Variants in LRMDA observed in about 807,000 individuals in gnomAD.
LRMDA encodes the protein leucine rich melanocyte differentiation associated.
In LRMDA, 18 loss-of-function variants were observed where a neutral mutation model predicts 29.8. The ratio of observed to expected loss-of-function variants is 0.60; its 90% CI spans 0.42 to 0.90. The LOEUF (loss-of-function observed/expected upper bound fraction) is 0.90, where lower values mean the gene tolerates loss of function less well. Ranked by LOEUF, LRMDA falls within the 40% of genes least tolerant of loss-of-function variation. LRMDA has a pLI of 0.00. For synonymous variants in LRMDA, 125 were observed against 109.4 expected, an observed-to-expected ratio of 1.14 and a Z score of -0.89; for missense variants, 273 against 273.9, an observed-to-expected ratio of 1.00 and a Z score of 0.02.
At chr10:75,670,493 T>C (rs1841877991) in intron 2 of LRMDA, among the ~76,000 whole-genome samples, 1 of 152,182 alleles carries the variant, frequency 6.6e-6, no homozygotes, top group Non-Finnish European at 1.5e-5. Flanking sequence ...TTGTGAGGCA[T>C]GAAGAAAAGT....
At chr10:75,639,124 A>G (rs9665386) in intron 2 of LRMDA, among the ~76,000 whole-genome samples, 6,074 of 152,314 alleles carry the variant, frequency 0.04, 288 homozygotes, top group African/African-American at 0.11. Context: ...AGAGCTAGAG[A>G]AAACCATGAG....
rs1426585451 is a variant in LRMDA at position 76,222,360 on chromosome 10, A to C, written c.517-102041A>C. ...CTACAAAATGGGAGAAAATTTTTGC[A>C]ACCTACTCATCTGACAAAGGGCTAA... is the stretch of plus-strand genomic sequence containing the variant. On this transcript the variant is annotated intron_variant, in intron 5 of 6. Transcript: ENST00000611255. 3.9e-5 allele frequency among the ~76,000 whole-genome samples: 6 copies of C among 152,326 alleles called. No individual in the cohort carries two copies. In the South Asian group the frequency reaches 1.0e-3, roughly 26 times the overall value.
At chr10:76,379,286 A>C (rs1841560791) in intron 6 of LRMDA, among the ~76,000 whole-genome samples, 1 of 151,500 alleles carries the variant, frequency 6.6e-6, no homozygotes, top group African/African-American at 2.4e-5. Flanking sequence ...TTTTTGGAAT[A>C]CTTTCACTAC....
At chr10:76,463,901 A>C (rs1195607688) in intron 6 of LRMDA, among the ~76,000 whole-genome samples, 1 of 149,762 alleles carries the variant, frequency 6.7e-6, no homozygotes, top group Admixed American at 6.7e-5. Flanking sequence ...CCTGGCACAC[A>C]GTAGGTGCAA....
rs1051188488 is a variant in LRMDA at position 75,616,435 on chromosome 10, G to T, written c.131+177941G>T. On this transcript the variant is annotated intron_variant, in intron 2 of 6. Transcript: ENST00000611255. ...CAACAGGAAAAGTAAATCAATTAAA[G>T]GAAAAAATATTAAGTACATAATAGT... 4.6e-5 allele frequency among the ~76,000 whole-genome samples: 7 copies of T among 152,198 alleles called. No homozygotes were observed. In the South Asian group the frequency reaches 1.5e-3, roughly 32 times the overall value.
At chr10:75,929,005 A>G (rs185382096) in intron 2 of LRMDA, among the ~76,000 whole-genome samples, 191 of 152,276 alleles carry the variant, frequency 1.3e-3, no homozygotes, top group African/African-American at 4.4e-3. Context: ...AAACCACCAG[A>G]TTTGATTATT....
chr10:75,793,200 G>A (rs751371837), intron 2 of LRMDA, among the ~76,000 whole-genome samples: 4 of 152,164 alleles, frequency 2.6e-5, no homozygotes, highest in Non-Finnish European at 2.9e-5. Flanking sequence ...AGAGAGAGGA[G>A]GCTGCAGTAG....
intron 2 of LRMDA, among the ~76,000 whole-genome samples, chr10:75,808,529 G>A (rs1258377104): frequency 6.6e-6 from 1 of 152,058 alleles, no homozygotes; most frequent in African/African-American, 2.4e-5. Flanking sequence ...TGTTGTTGTT[G>A]AGATGGAGTC....
chr10:75,708,494 T>C (rs532317045), intron 2 of LRMDA, among the ~76,000 whole-genome samples: 15 of 152,300 alleles, frequency 9.8e-5, no homozygotes, highest in African/African-American at 3.1e-4. Context: ...TTTGGCTTTC[T>C]AGTTTTATAG....
rs1844822011 is a variant in LRMDA, at chr10:75,478,550, A to C, written c.131+40056A>C. On this transcript the variant is annotated intron_variant, in intron 2 of 6. Transcript: ENST00000611255. The stretch of plus-strand genomic sequence containing the variant: ...GTAAGTACTTAGTATTTTGCATTTA[A>C]AAGGCTGTTCTTTAATAACTTTGGA... Among the ~76,000 whole-genome samples, 4 of 152,298 alleles carry C rather than the reference A, an allele frequency of 2.6e-5. No homozygotes were observed. The South Asian group carries it at 8.3e-4, about 32-fold the overall frequency.
chr10:76,232,515 T>C (rs567644815), intron 5 of LRMDA, among the ~76,000 whole-genome samples: 9 of 152,302 alleles, frequency 5.9e-5, no homozygotes, highest in Non-Finnish European at 1.2e-4. Context: ...CTTGGAGATA[T>C]TGAAATCTCA....
chr10:76,284,880 C>G (rs1055720085), intron 5 of LRMDA, among the ~76,000 whole-genome samples: 4 of 152,150 alleles, frequency 2.6e-5, no homozygotes, highest in East Asian at 1.9e-4. Context: ...GTAAGACATG[C>G]CTTTGCTCCT....
At chr10:76,034,403 G>C (rs1265628732) in intron 2 of LRMDA, among the ~76,000 whole-genome samples, 2 of 152,102 alleles carry the variant, frequency 1.3e-5, no homozygotes, top group Non-Finnish European at 2.9e-5. Context: ...ATGACCTCTG[G>C]ACCCCTACTC....
At chr10:75,466,774 C>G (rs898240167) in intron 2 of LRMDA, among the ~76,000 whole-genome samples, 1 of 152,130 alleles carries the variant, frequency 6.6e-6, no homozygotes, top group African/African-American at 2.4e-5. Flanking sequence ...ACTCCCCCTA[C>G]TGAATCTACC....
chr10:75,744,015 G>A (rs1018597517), intron 2 of LRMDA, among the ~76,000 whole-genome samples: 2 of 152,198 alleles, frequency 1.3e-5, no homozygotes, highest in Admixed American at 6.5e-5. Flanking sequence ...TGAACCACTA[G>A]GGTGTTGAAA....
chr10:76,486,580 G>A lies in LRMDA; in HGVS notation c.602-70629G>A, dbSNP rs566864069. Among the ~76,000 whole-genome samples, 6 of 151,828 alleles carry A rather than the reference G, an allele frequency of 4.0e-5. No homozygotes were observed. In the East Asian group the frequency reaches 1.2e-3, roughly 30 times the overall value. On this transcript the variant is annotated intron_variant, in intron 6 of 6. Coordinates refer to ENST00000611255, the MANE Select transcript of LRMDA (RefSeq NM_001305581.2). ...AAGAGTCCCTTTTCCTGATTATTTT[G>A]GCTAAAAATTTGGGTTTCTTTCAGG... is the stretch of plus-strand genomic sequence containing the variant.
At chr10:76,007,569 C>A (rs565390980) in intron 2 of LRMDA, among the ~76,000 whole-genome samples, 4 of 152,342 alleles carry the variant, frequency 2.6e-5, no homozygotes, top group East Asian at 1.9e-4. Flanking sequence ...TCCCCACCAC[C>A]TCTTCCAGGG....
At chr10:76,188,181 G>C (rs2132217616) in intron 5 of LRMDA, among the ~76,000 whole-genome samples, 1 of 152,288 alleles carries the variant, frequency 6.6e-6, no homozygotes, top group Non-Finnish European at 1.5e-5. Context: ...GCTGCAGAGG[G>C]GCTGATGCAT....
chr10:76,048,601 G>A (rs1188718744), intron 4 of LRMDA, among the ~76,000 whole-genome samples: 1 of 152,150 alleles, frequency 6.6e-6, no homozygotes, highest in African/African-American at 2.4e-5. Context: ...GTCTATATCA[G>A]TATTCCATAA....
Sources: allele counts gnomAD v4.1 joint callset (sites outside exome capture counted in the v4.1 genomes callset), GRCh38; gene constraint gnomAD v4.1.1; transcripts MANE v1.5; gene names NCBI Gene and HGNC (gene_info 2026-07-23, HGNC 2026-07-21).